TMEM132D: variants seen among roughly 807,000 people sequenced by gnomAD.
TMEM132D encodes mature OL transmembrane protein.
A neutral mutation model predicts 62.3 loss-of-function variants in TMEM132D; 21 were observed. The ratio of observed to expected loss-of-function variants is 0.34; its 90% confidence interval spans 0.24 to 0.49. The LOEUF (loss-of-function observed/expected upper bound fraction) is 0.49, where lower values mean the gene tolerates loss of function less well. Ranked by LOEUF, TMEM132D falls within the 20% of genes least tolerant of loss-of-function variation. TMEM132D has a pLI of 0.99. For synonymous variants in TMEM132D, 621 were observed against 575.6 expected, an observed-to-expected ratio of 1.08 and a Z score of -1.13; for missense variants, 1,346 against 1,402.8, an observed-to-expected ratio of 0.96 and a Z score of 0.65.
chr12:129,209,564 G>A lies in TMEM132D; in HGVS notation c.1399C>T (p.Leu467=), dbSNP rs768828363. 16 of 1,614,070 alleles carry A rather than the reference G, an allele frequency of 9.9e-6. No homozygotes were observed. In the Admixed American group the frequency reaches 2.0e-4, roughly 20 times the overall value. Residue 467 remains leucine, a synonymous_variant, in exon 5 of 9, where the codon CTG becomes TTG. Transcript: ENST00000422113. ...VEDDGTVTEL[L]ESVECRSSDE... ...GACGATCTACACTCCACAGACTCCAGCAGCTCTGTCACTGTGCCGTCGTCC... is the reference window on the plus strand; with the variant it reads ...GACGATCTACACTCCACAGACTCCAACAGCTCTGTCACTGTGCCGTCGTCC...
At chr12:129,365,111 T>C (rs943665407) in intron 3 of TMEM132D, among the ~76,000 whole-genome samples, 3 of 152,162 alleles carry the variant, frequency 2.0e-5, no homozygotes, top group South Asian at 2.1e-4. Flanking sequence ...GCTGATGGTG[T>C]TAGATTTTAT....
At chr12:129,562,378 C>T (rs909656707) in intron 2 of TMEM132D, among the ~76,000 whole-genome samples, 3 of 152,182 alleles carry the variant, frequency 2.0e-5, no homozygotes, top group Admixed American at 1.3e-4. Flanking sequence ...CCATTCCCTA[C>T]TAGCAAGCAT....
At chr12:129,885,213 T>C (rs1874713260) in intron 1 of TMEM132D, among the ~76,000 whole-genome samples, 1 of 152,212 alleles carries the variant, frequency 6.6e-6, no homozygotes. Flanking sequence ...CCAGACCATA[T>C]GTATTTCTCA....
chr12:129,236,104 T>TTGTGTGTGTG lies in TMEM132D; in HGVS notation c.1300-26451_1300-26442dup, dbSNP rs71072452. ...CAAATAATTTTATTATGATGCTATT[T>TTGTGTGTGTG]TGTGTGTGTGTGTGTGTGTGTGTGT... is the stretch of plus-strand genomic sequence containing the variant. On this transcript the variant is annotated intron_variant, in intron 4 of 8. Transcript: ENST00000422113. Among the ~76,000 whole-genome samples the TTGTGTGTGTG allele has an allele frequency of 1.7e-3, 250 of 146,878 alleles. 1 individual carries two copies. Among genetic ancestry groups the TTGTGTGTGTG allele is most frequent in the African/African-American group, 2.8e-3 (110 of 39,850 alleles).
At chr12:129,318,359 C>T (rs111800856) in intron 4 of TMEM132D, among the ~76,000 whole-genome samples, 1,548 of 152,266 alleles carry the variant, frequency 0.01, 28 homozygotes, top group African/African-American at 0.035. Context: ...TACTCTTCCC[C>T]TTTTCCTATG....
chr12:129,571,265 G>C (rs1877504634), intron 2 of TMEM132D, among the ~76,000 whole-genome samples: 1 of 152,058 alleles, frequency 6.6e-6, no homozygotes, highest in African/African-American at 2.4e-5. Context: ...TATTGTCTAA[G>C]TGTTAGTTTG....
chr12:129,751,494 G>A (rs551329223), intron 1 of TMEM132D, among the ~76,000 whole-genome samples: 2 of 152,290 alleles, frequency 1.3e-5, no homozygotes, highest in East Asian at 3.9e-4. Flanking sequence ...AGTCCCCACA[G>A]CATTTCCTGT....
chr12:129,379,815 G>A (rs1452970220), intron 3 of TMEM132D, among the ~76,000 whole-genome samples: 2 of 152,122 alleles, frequency 1.3e-5, no homozygotes, highest in South Asian at 2.1e-4. Flanking sequence ...GACAATAGTC[G>A]AGAATCCTTT....
At chr12:129,355,093 C>T (rs964355134) in intron 3 of TMEM132D, among the ~76,000 whole-genome samples, 4 of 152,094 alleles carry the variant, frequency 2.6e-5, no homozygotes, top group African/African-American at 7.2e-5. Context: ...TCTTTAAGTC[C>T]GATACTGTGT....
At chr12:129,818,850 C>T (rs1344101975) in intron 1 of TMEM132D, among the ~76,000 whole-genome samples, 1 of 151,904 alleles carries the variant, frequency 6.6e-6, no homozygotes, top group Non-Finnish European at 1.5e-5. Context: ...GCCTGGGCAA[C>T]ATAGCGAGAC....
chr12:129,781,631 C>T (rs982311677), intron 1 of TMEM132D, among the ~76,000 whole-genome samples: 3 of 152,096 alleles, frequency 2.0e-5, no homozygotes, highest in African/African-American at 7.2e-5. Context: ...GCTTTGGTTA[C>T]CACTATCACA....
Position 129,126,014 on chromosome 12 carries a change from G to A in TMEM132D, c.1444-41312C>T, listed in dbSNP as rs1593269412. 4.6e-5 allele frequency among the ~76,000 whole-genome samples: 7 copies of A among 152,320 alleles called. No individual in the cohort carries two copies. In the South Asian group the frequency reaches 1.5e-3, roughly 32 times the overall value. ...GCTGGAGAACATTCCCGGGGGGCCA[G>A]CTATGCCCAACCTGAGCACCCCTCT... On this transcript the variant is annotated intron_variant, in intron 5 of 8. Coordinates refer to ENST00000422113, the MANE Select transcript of TMEM132D (RefSeq NM_133448.3).
intron 2 of TMEM132D, among the ~76,000 whole-genome samples, chr12:129,604,615 G>A (rs143553993): frequency 6.6e-6 from 1 of 152,134 alleles, no homozygotes; most frequent in African/African-American, 2.4e-5. Flanking sequence ...TCTGGTAATT[G>A]TTTTCAGTTG....
At chr12:129,362,134 T>A (rs1430605897) in intron 3 of TMEM132D, among the ~76,000 whole-genome samples, 1 of 152,246 alleles carries the variant, frequency 6.6e-6, no homozygotes, top group African/African-American at 2.4e-5. Context: ...CTTTTCAGTT[T>A]CAAGTGTCAT....
intron 1 of TMEM132D, among the ~76,000 whole-genome samples, chr12:129,901,659 A>G (rs1429384563): frequency 1.3e-5 from 2 of 152,222 alleles, no homozygotes; most frequent in Non-Finnish European, 2.9e-5. Flanking sequence ...GAAAAAGTTC[A>G]CAAGTATTAG....
chr12:129,809,286 C>T (rs570866959), intron 1 of TMEM132D, among the ~76,000 whole-genome samples: 13 of 142,972 alleles, frequency 9.1e-5, no homozygotes, highest in East Asian at 2.0e-4. Context: ...CCAGCCTGGG[C>T]GACAGAGCGA....
intron 4 of TMEM132D, among the ~76,000 whole-genome samples, chr12:129,241,427 C>T (rs1237071477): frequency 6.6e-6 from 1 of 152,114 alleles, no homozygotes; most frequent in Non-Finnish European, 1.5e-5. Flanking sequence ...CTCTTCTTTG[C>T]TCTCTTCTTT....
intron 1 of TMEM132D, among the ~76,000 whole-genome samples, chr12:129,744,486 A>T (rs2137261785): frequency 6.6e-6 from 1 of 152,308 alleles, no homozygotes; most frequent in Admixed American, 6.5e-5. Flanking sequence ...AGGTAATTAT[A>T]AAAAGTAGTG....
At chr12:129,222,871 A>C (rs1376570086) in intron 4 of TMEM132D, among the ~76,000 whole-genome samples, 1 of 152,048 alleles carries the variant, frequency 6.6e-6, no homozygotes, top group Non-Finnish European at 1.5e-5. Context: ...TATATCACAT[A>C]CTTGAAATTT....
Sources: gnomAD v4.1 joint callset for allele counts (sites outside exome capture counted in the v4.1 genomes callset) on GRCh38, gnomAD v4.1.1 for gene constraint, MANE v1.5 for transcripts, NCBI Gene and HGNC (gene_info 2026-07-23, HGNC 2026-07-21) for gene names.